The following DGKB variants were observed in gnomAD, a reference collection of about 807,000 sequenced individuals.
The protein encoded by DGKB is diacylglycerol kinase beta, also known as 90 kDa diacylglycerol kinase.
In DGKB, 67 loss-of-function variants were observed where a neutral mutation model predicts 114.3. The observed-to-expected ratio is 0.59, with a 90% CI of 0.48 to 0.72. DGKB has a LOEUF of 0.72. Among genes scored for constraint, DGKB ranks in the 30% least tolerant of loss-of-function variants. DGKB has a pLI of 0.00. For missense variants in DGKB, 907 were observed against 975.2 expected (o/e 0.93, Z 0.93); for synonymous variants, 398 against 323.1 (o/e 1.23, Z -2.49).
At chr7:14,863,515 A>T (rs1254597587) in intron 1 of DGKB, among the ~76,000 whole-genome samples, 1 of 152,004 alleles carries the variant, frequency 6.6e-6, no homozygotes, top group African/African-American at 2.4e-5. Context: ...AGAAAGTAGA[A>T]AATCACTGTA....
chr7:14,919,281 A>G (rs1784406628), intron 1 of DGKB, among the ~76,000 whole-genome samples: 1 of 152,168 alleles, frequency 6.6e-6, no homozygotes, highest in Admixed American at 6.5e-5. Context: ...CAAATTAGAT[A>G]TGGAATACAA....
At chr7:14,918,893 C>A (rs1170740750) in intron 1 of DGKB, among the ~76,000 whole-genome samples, 1 of 151,930 alleles carries the variant, frequency 6.6e-6, no homozygotes, top group East Asian at 1.9e-4. Context: ...GAAACCCCGC[C>A]TCTACTAAAA....
rs73064729 is a variant in DGKB at position 14,748,488 on chromosome 7, A to C, written c.168+5440T>G. ...GAAGACAGCTAGTACAATGGCCCTG[A>C]GGTATAATGATGCCCCTGTGCTAGA... is the stretch of plus-strand genomic sequence containing the variant. On this transcript the variant is annotated intron_variant, in intron 4 of 25. Transcript: ENST00000402815. Among the ~76,000 whole-genome samples the C allele has an allele frequency of 1.5e-3, 236 of 152,266 alleles. 1 individual carries two copies. The Middle Eastern group carries it at 0.02, about 13-fold the overall frequency.
chr7:14,757,709 A>G lies in DGKB; in HGVS notation c.93T>C (p.Asp31=). ...CATTACCATGGAATTCTTCAAGAAC[A>G]TCCTTTAATTTCTTTGTAGAATCTA... The part of the protein sequence containing the change: ...YAEYSTKKLK[D]VLEEFHGNGV... The change falls in exon 3 of 26, where the codon GAT becomes GAC. Residue 31 remains aspartate, a synonymous_variant. Transcript: ENST00000402815. The G allele has an allele frequency of 1.2e-6, 2 of 1,604,196 alleles. No individual in the cohort carries two copies. The highest frequency in any genetic ancestry group is 1.7e-6 in the Non-Finnish European group (2 of 1,172,576).
intron 23 of DGKB, among the ~76,000 whole-genome samples, chr7:14,280,997 T>A (rs1799857802): frequency 6.6e-6 from 1 of 150,476 alleles, no homozygotes; most frequent in African/African-American, 2.4e-5. Flanking sequence ...CAGCATCAAA[T>A]TCACACATAA....
At chr7:14,498,032 A>T (rs1237633920) in intron 20 of DGKB, among the ~76,000 whole-genome samples, 8 of 151,896 alleles carry the variant, frequency 5.3e-5, no homozygotes, top group Admixed American at 1.3e-4. Flanking sequence ...TTTGAGTTAG[A>T]TTCTTAACTG....
At chr7:14,802,245 A>G (rs1467365101) in intron 2 of DGKB, among the ~76,000 whole-genome samples, 1 of 152,154 alleles carries the variant, frequency 6.6e-6, no homozygotes, top group Non-Finnish European at 1.5e-5. Context: ...TAATACTGAT[A>G]TCAAATTTTT....
chr7:14,646,770 G>T (rs1168619698), intron 13 of DGKB, among the ~76,000 whole-genome samples: 2 of 99,894 alleles, frequency 2.0e-5, no homozygotes, highest in Admixed American at 1.3e-4. Context: ...TAAGAAGAAA[G>T]TAAAAAAAAT....
chr7:14,605,807 C>T (rs78626716), intron 17 of DGKB, among the ~76,000 whole-genome samples: 8,635 of 152,060 alleles, frequency 0.057, 841 homozygotes, highest in African/African-American at 0.2. Context: ...ACAAATAATA[C>T]GGATAATAAA....
chr7:14,548,478 T>C lies in DGKB; in HGVS notation c.1770+25734A>G, dbSNP rs138279339. On this transcript the variant is annotated intron_variant, in intron 20 of 25. Coordinates refer to ENST00000402815, the MANE Select transcript of DGKB (RefSeq NM_001350709.2). ...CAAAAATGGACAGGAGCTAGCCTTGTAACTCCTGAATGAGGAAAAGGTGGA... is the reference window on the plus strand; with the variant it reads ...CAAAAATGGACAGGAGCTAGCCTTGCAACTCCTGAATGAGGAAAAGGTGGA... 3.9e-3 allele frequency among the ~76,000 whole-genome samples: 589 copies of C among 152,220 alleles called. 20 individuals are homozygous for C. Among genetic ancestry groups the C allele is most frequent in the Admixed American group, 0.035 (541 of 15,270 alleles).
intron 25 of DGKB, among the ~76,000 whole-genome samples, chr7:14,164,267 T>G (rs576670141): frequency 6.6e-6 from 1 of 152,292 alleles, no homozygotes; most frequent in East Asian, 1.9e-4. Context: ...TCTGGTAAAA[T>G]AAGCCATTAG....
chr7:14,860,805 A>T (rs1850864591), intron 1 of DGKB, among the ~76,000 whole-genome samples: 1 of 151,896 alleles, frequency 6.6e-6, no homozygotes, highest in South Asian at 2.1e-4. Flanking sequence ...GTCTTTGAAC[A>T]ACCTGATTTT....
At chr7:14,894,381 A>G (rs1160746953) in intron 1 of DGKB, among the ~76,000 whole-genome samples, 1 of 151,430 alleles carries the variant, frequency 6.6e-6, no homozygotes, top group African/African-American at 2.4e-5. Flanking sequence ...CTCTTTGATC[A>G]GGATGCTCCA....
intron 21 of DGKB, among the ~76,000 whole-genome samples, chr7:14,360,644 T>C (rs1815546857): frequency 6.6e-6 from 1 of 151,960 alleles, no homozygotes; most frequent in Admixed American, 6.6e-5. Context: ...ATTGGTAACT[T>C]TGGGCATCTA....
intron 23 of DGKB, among the ~76,000 whole-genome samples, chr7:14,323,313 C>T (rs1016804): frequency 0.38 from 58,292 of 151,802 alleles, 12,124 homozygotes; most frequent in South Asian, 0.56. Flanking sequence ...TGGTGTTGGC[C>T]GTGTTCTATT....
intron 4 of DGKB, among the ~76,000 whole-genome samples, chr7:14,737,285 T>A (rs921796521): frequency 9.0e-4 from 15 of 16,700 alleles, no homozygotes; most frequent in African/African-American, 2.3e-3. Context: ...GAAGGCCAAT[T>A]TTTTTTTTTT....
At chr7:14,741,649 G>C (rs760340862) in intron 4 of DGKB, among the ~76,000 whole-genome samples, 1 of 152,122 alleles carries the variant, frequency 6.6e-6, no homozygotes, top group Non-Finnish European at 1.5e-5. Flanking sequence ...TTTCTTTTGT[G>C]AATCTTCCTT....
At chr7:14,231,882 A>C (rs1584607057) in intron 23 of DGKB, among the ~76,000 whole-genome samples, 2 of 152,054 alleles carry the variant, frequency 1.3e-5, no homozygotes, top group Admixed American at 6.6e-5. Flanking sequence ...TGTCAGTAAC[A>C]GTATTCAAAT....
chr7:14,442,040 C>A (rs1830149801), intron 21 of DGKB, among the ~76,000 whole-genome samples: 1 of 151,894 alleles, frequency 6.6e-6, no homozygotes, highest in South Asian at 2.1e-4. Flanking sequence ...GTCTTAGATT[C>A]AAATGTCATA....
Sources: allele counts gnomAD v4.1 joint callset (sites outside exome capture counted in the v4.1 genomes callset), GRCh38; gene constraint gnomAD v4.1.1; transcripts MANE v1.5; gene names NCBI Gene and HGNC (gene_info 2026-07-23, HGNC 2026-07-21).